The following PCSK5 variants were observed in gnomAD, a reference collection of about 807,000 sequenced individuals.
The protein encoded by PCSK5 is proprotein convertase subtilisin/kexin type 5, also known as prohormone convertase 5.
A neutral mutation model predicts 233.2 loss-of-function variants in PCSK5; 129 were observed. That is an observed-to-expected ratio of 0.55 (90% CI 0.48 to 0.64). The LOEUF (loss-of-function observed/expected upper bound fraction) is 0.64. PCSK5 is among the 30% of genes least tolerant of loss of function. PCSK5 has a pLI of 0.00. For missense variants in PCSK5, 2,076 were observed against 2,430.1 expected (o/e 0.85, Z 3.06); for synonymous variants, 825 against 879.2 (o/e 0.94, Z 1.09).
intron 5 of PCSK5, among the ~76,000 whole-genome samples, chr9:76,030,537 A>G (rs1259462317): frequency 6.6e-6 from 1 of 152,134 alleles, no homozygotes; most frequent in African/African-American, 2.4e-5. Context: ...ACATATCAGA[A>G]TTATAGGAAT....
chr9:75,990,552 G>A (rs1159157535), intron 3 of PCSK5, among the ~76,000 whole-genome samples: 1 of 152,182 alleles, frequency 6.6e-6, no homozygotes, highest in Non-Finnish European at 1.5e-5. Flanking sequence ...TTCACTTCTT[G>A]TTGCATTGAC....
At chr9:76,133,706 A>G (rs1380551245) in intron 9 of PCSK5, among the ~76,000 whole-genome samples, 1 of 152,110 alleles carries the variant, frequency 6.6e-6, no homozygotes, top group African/African-American at 2.4e-5. Flanking sequence ...CAATGATTAA[A>G]GAAGAAACGT....
intron 35 of PCSK5, among the ~76,000 whole-genome samples, chr9:76,350,400 T>A (rs1335712967): frequency 6.6e-6 from 1 of 152,196 alleles, no homozygotes; most frequent in Non-Finnish European, 1.5e-5. Flanking sequence ...GCCCTAGCAT[T>A]TTAAGTGCCA....
intron 2 of PCSK5, among the ~76,000 whole-genome samples, chr9:75,940,508 T>C (rs1405940983): frequency 6.6e-6 from 1 of 152,206 alleles, no homozygotes; most frequent in Non-Finnish European, 1.5e-5. Context: ...TGATTGGATG[T>C]AGCTGGCAGG....
intron 2 of PCSK5, among the ~76,000 whole-genome samples, chr9:75,957,871 TG>T (rs1484400725): frequency 1.3e-5 from 2 of 152,246 alleles, no homozygotes; most frequent in African/African-American, 4.8e-5. Flanking sequence ...GGTTGTATGG[TG>T]TGACTGTTTT....
At chr9:76,040,377 C>CTCTCTCTCTCTCTG (rs1829058505) in intron 5 of PCSK5, among the ~76,000 whole-genome samples, 3 of 59,784 alleles carry the variant, frequency 5.0e-5, no homozygotes, top group African/African-American at 1.7e-4. Flanking sequence ...CTCTCTCTCT[C>CTCTCTCTCTCTCTG]TCTCTCTGTC....
chr9:75,924,258 C>G (rs146260447), intron 1 of PCSK5, among the ~76,000 whole-genome samples: 2 of 152,278 alleles, frequency 1.3e-5, no homozygotes, highest in East Asian at 3.9e-4. Context: ...TTCATGCCCT[C>G]TAATGCCATT....
At chr9:76,114,182 CAAGG>C (rs1464638518) in intron 9 of PCSK5, among the ~76,000 whole-genome samples, 3 of 151,908 alleles carry the variant, frequency 2.0e-5, no homozygotes, top group African/African-American at 7.3e-5. Flanking sequence ...TAAAAGAAAA[CAAGG>C]GAGGAGAGCT....
intron 21 of PCSK5, among the ~76,000 whole-genome samples, chr9:76,231,904 A>G (rs766301179): frequency 6.6e-6 from 1 of 152,208 alleles, no homozygotes; most frequent in Admixed American, 6.5e-5. Context: ...GATGGTTAAC[A>G]GAACATGAGG....
intron 2 of PCSK5, among the ~76,000 whole-genome samples, chr9:75,971,014 T>C (rs1046201849): frequency 9.2e-5 from 14 of 152,152 alleles, no homozygotes; most frequent in Admixed American, 2.6e-4. Flanking sequence ...TTGCTGCACC[T>C]ATCAACCCAT....
At chr9:75,901,449 C>T (rs1826030228) in intron 1 of PCSK5, among the ~76,000 whole-genome samples, 1 of 151,980 alleles carries the variant, frequency 6.6e-6, no homozygotes, top group Non-Finnish European at 1.5e-5. Context: ...GGGAGGGGAA[C>T]ATCACACACT....
chr9:75,933,881 A>G (rs536123808), intron 2 of PCSK5, among the ~76,000 whole-genome samples: 27 of 152,312 alleles, frequency 1.8e-4, no homozygotes, highest in Admixed American at 5.2e-4. Flanking sequence ...AACTTTGGTA[A>G]TTAAAACGAC....
At chr9:76,141,033 A>C (rs893997480) in intron 10 of PCSK5, among the ~76,000 whole-genome samples, 1 of 152,148 alleles carries the variant, frequency 6.6e-6, no homozygotes, top group Non-Finnish European at 1.5e-5. Flanking sequence ...GACTTTGACT[A>C]TTCTTAATAA....
chr9:75,897,495 T>TTC (rs1167611054), intron 1 of PCSK5, among the ~76,000 whole-genome samples: 1 of 148,638 alleles, frequency 6.7e-6, no homozygotes, highest in Non-Finnish European at 1.5e-5. Flanking sequence ...TTTTCTTTTT[T>TTC]TTTTTTTTTT....
intron 2 of PCSK5, among the ~76,000 whole-genome samples, chr9:75,981,764 T>C (rs1291812923): frequency 6.6e-6 from 1 of 152,152 alleles, no homozygotes; most frequent in East Asian, 1.9e-4. Context: ...AGTCTTGCTA[T>C]GTTGTCCAGG....
chr9:76,120,460 C>T (rs2131712728), intron 9 of PCSK5, among the ~76,000 whole-genome samples: 1 of 152,178 alleles, frequency 6.6e-6, no homozygotes. Flanking sequence ...AATCTTTCTA[C>T]ATTGTTTAGA....
chr9:76,332,388 G>A (rs1407093752), intron 33 of PCSK5, 45 bp from the exon 34 acceptor site: 1 of 1,481,822 alleles, frequency 6.7e-7, no homozygotes, highest in African/African-American at 1.4e-5. Context: ...GGGGAGACAT[G>A]TGTCATGCTC....
intron 15 of PCSK5, among the ~76,000 whole-genome samples, chr9:76,180,099 A>C (rs1242939881): frequency 1.4e-5 from 2 of 146,278 alleles, no homozygotes; most frequent in African/African-American, 5.1e-5. Flanking sequence ...ATATATATAT[A>C]TATATACACA....
chr9:76,138,650 T>G (rs1280236467), intron 10 of PCSK5, among the ~76,000 whole-genome samples: 2 of 152,118 alleles, frequency 1.3e-5, no homozygotes, highest in East Asian at 3.9e-4. Context: ...ATTGAATGCA[T>G]GCAACATCAG....
Sources: gnomAD v4.1 joint callset for allele counts (sites outside exome capture counted in the v4.1 genomes callset) on GRCh38, gnomAD v4.1.1 for gene constraint, MANE v1.5 for transcripts, NCBI Gene and HGNC (gene_info 2026-07-23, HGNC 2026-07-21) for gene names.